Variants in ATRNL1 observed in about 807,000 individuals in gnomAD.
ATRNL1 encodes the protein attractin like 1, also known as attractin-like protein 1.
A neutral mutation model predicts 182.7 loss-of-function variants in ATRNL1; 95 were observed. That is an observed-to-expected ratio of 0.52 (90% confidence interval 0.44 to 0.62). The LOEUF is 0.62. Ranked by LOEUF, ATRNL1 falls within the 20% of genes least tolerant of loss-of-function variation. ATRNL1 has a pLI of 0.00. For missense variants in ATRNL1, 1,471 were observed against 1,679.5 expected (o/e 0.88, Z 2.17); for synonymous variants, 576 against 568.3 (o/e 1.01, Z -0.19).
rs1853410593 is a variant in ATRNL1, at chr10:115,300,349, A to G, written c.2629+102A>G. The G allele has an allele frequency of 4.4e-6, 4 of 917,264 alleles. No homozygotes were observed. The African/African-American group carries it at 6.8e-5, about 16-fold the overall frequency. The allele number at this position is 917,264 out of a possible 1,614,324, so 56.8% of individuals were successfully genotyped here. A position where few individuals can be genotyped will look rare whatever the true frequency, so the allele number is the denominator to read the frequency against. On this transcript the variant is annotated intron_variant, in intron 16 of 28. Coordinates refer to ENST00000355044, the MANE Select transcript of ATRNL1 (RefSeq NM_207303.4). ...TAGTCTTATTCTATGATATTTATGT[A>G]AATTTTATTTTTATACACATTCTTC...
At chr10:115,932,406 A>G (rs781847292) in intron 28 of ATRNL1, among the ~76,000 whole-genome samples, 1 of 152,228 alleles carries the variant, frequency 6.6e-6, no homozygotes, top group African/African-American at 2.4e-5. Flanking sequence ...ATTTGGTTAC[A>G]GACATACCTG....
At chr10:115,324,071 C>T (rs764283106) in intron 18 of ATRNL1, among the ~76,000 whole-genome samples, 1 of 152,216 alleles carries the variant, frequency 6.6e-6, no homozygotes, top group Non-Finnish European at 1.5e-5. Context: ...GCCACCGCGT[C>T]TGACCTATTT....
chr10:115,382,692 CTTTT>C (rs34063669), intron 19 of ATRNL1, among the ~76,000 whole-genome samples: 1 of 114,286 alleles, frequency 8.7e-6, no homozygotes, highest in Non-Finnish European at 1.9e-5. Flanking sequence ...CTGTTCTTTG[CTTTT>C]TTTTTTTTTT....
At chr10:115,563,929 C>A (rs1403227824) in intron 26 of ATRNL1, among the ~76,000 whole-genome samples, 4 of 152,014 alleles carry the variant, frequency 2.6e-5, no homozygotes, top group Admixed American at 2.0e-4. Flanking sequence ...AAGGCCTAGT[C>A]TGGTTGATTT....
chr10:115,273,146 G>A (rs1851947020), intron 13 of ATRNL1, among the ~76,000 whole-genome samples: 1 of 152,086 alleles, frequency 6.6e-6, no homozygotes, highest in Non-Finnish European at 1.5e-5. Flanking sequence ...TGGGTACTCA[G>A]CAGTGGTCAT....
In ATRNL1 at chr10:115,618,030, CTCTT is replaced by C. The variant is rs578043181; in HGVS notation, c.3795+68498_3795+68501del. On this transcript the variant is annotated intron_variant, in intron 26 of 28. Coordinates refer to ENST00000355044, the MANE Select transcript of ATRNL1 (RefSeq NM_207303.4). ...AAAGTGTGTAGCACCTCCCCCATCT[CTCTT>C]TCTCCTGTTTTGGCTTTGTAAAGTT... 7.8e-4 allele frequency among the ~76,000 whole-genome samples: 119 copies of C among 152,296 alleles called. 1 individual carries two copies. The highest frequency in any genetic ancestry group is 1.6e-3 in the Non-Finnish European group (106 of 68,018).
At chr10:115,373,277 C>T (rs1239641200) in intron 19 of ATRNL1, among the ~76,000 whole-genome samples, 2 of 151,926 alleles carry the variant, frequency 1.3e-5, no homozygotes, top group African/African-American at 2.4e-5. Flanking sequence ...GGAGTCTTTG[C>T]AGTTTTCTGT....
chr10:115,153,703 TGTGTCTCTATCTCCTTCAGTTCTGCTC>T (rs1554881314), intron 5 of ATRNL1, among the ~76,000 whole-genome samples: 1 of 152,150 alleles, frequency 6.6e-6, no homozygotes, highest in African/African-American at 2.4e-5. Context: ...AAGGGTTTTT[TGTGTCTCTATCTCCTTCAGTTCTGCTC>T]TGATCTTAGT....
intron 28 of ATRNL1, among the ~76,000 whole-genome samples, chr10:115,915,316 T>G (rs1952813500): frequency 6.6e-6 from 1 of 151,770 alleles, no homozygotes; most frequent in Non-Finnish European, 1.5e-5. Context: ...GAGAATGGCA[T>G]GAACCTGGGG....
At chr10:115,126,185 G>C (rs1554873453) in intron 3 of ATRNL1, among the ~76,000 whole-genome samples, 1 of 152,162 alleles carries the variant, frequency 6.6e-6, no homozygotes, top group Non-Finnish European at 1.5e-5. Flanking sequence ...AGCCTCCCGA[G>C]TAGCTGAGAC....
At chr10:115,744,678 A>C (rs1555068679) in intron 27 of ATRNL1, among the ~76,000 whole-genome samples, 1 of 152,116 alleles carries the variant, frequency 6.6e-6, no homozygotes, top group Non-Finnish European at 1.5e-5. Context: ...ACCTCTAATC[A>C]GCCTCCCACT....
intron 26 of ATRNL1, among the ~76,000 whole-genome samples, chr10:115,675,468 A>G (rs1342658457): frequency 1.3e-5 from 2 of 152,094 alleles, no homozygotes; most frequent in Non-Finnish European, 2.9e-5. Context: ...CATGGGGTAT[A>G]TTATTTATCT....
intron 27 of ATRNL1, among the ~76,000 whole-genome samples, chr10:115,737,986 C>T (rs1555066473): frequency 1.3e-5 from 2 of 151,924 alleles, no homozygotes; most frequent in Non-Finnish European, 2.9e-5. Flanking sequence ...AGGACCCAAT[C>T]CCTAATTGCA....
chr10:115,368,632 C>T lies in ATRNL1; in HGVS notation c.3176-26027C>T, dbSNP rs570481498. ...CTAACAAAAACTTTGTACATTTTGA[C>T]CATCTCCTCATTTCCCATCCCCTTT... On this transcript the variant is annotated intron_variant, in intron 19 of 28. Transcript: ENST00000355044. Among the ~76,000 whole-genome samples the T allele has an allele frequency of 3.3e-4, 51 of 152,256 alleles. 1 individual carries two copies. The South Asian group carries it at 0.01, about 30-fold the overall frequency.
intron 27 of ATRNL1, among the ~76,000 whole-genome samples, chr10:115,810,692 G>C (rs1950027278): frequency 6.6e-6 from 1 of 151,672 alleles, no homozygotes; most frequent in Non-Finnish European, 1.5e-5. Flanking sequence ...TAGATATATG[G>C]CTGTTCAAGT....
intron 27 of ATRNL1, among the ~76,000 whole-genome samples, chr10:115,751,770 G>C (rs552502036): frequency 4.6e-5 from 7 of 152,020 alleles, no homozygotes; most frequent in African/African-American, 1.7e-4. Flanking sequence ...GTGGCAAGTT[G>C]AAAACAAATG....
chr10:115,474,165 T>G (rs1848429377), intron 24 of ATRNL1, among the ~76,000 whole-genome samples: 1 of 151,414 alleles, frequency 6.6e-6, no homozygotes, highest in South Asian at 2.1e-4. Context: ...GTCATGAAGT[T>G]CTTCAGCTTT....
At chr10:115,430,274 T>G (rs1846093851) in intron 21 of ATRNL1, among the ~76,000 whole-genome samples, 1 of 152,134 alleles carries the variant, frequency 6.6e-6, no homozygotes, top group East Asian at 1.9e-4. Flanking sequence ...TTTTGCTATT[T>G]CATAGCATTA....
chr10:115,695,283 G>A (rs1161006806), intron 26 of ATRNL1, among the ~76,000 whole-genome samples: 1 of 152,068 alleles, frequency 6.6e-6, no homozygotes, highest in Non-Finnish European at 1.5e-5. Context: ...CAAATTCAAG[G>A]AGCCATTATC....
Sources: allele counts gnomAD v4.1 joint callset (sites outside exome capture counted in the v4.1 genomes callset), GRCh38; gene constraint gnomAD v4.1.1; transcripts MANE v1.5; gene names NCBI Gene and HGNC (gene_info 2026-07-23, HGNC 2026-07-21).